Variants in BACH2 observed in about 807,000 individuals in gnomAD.
The protein encoded by BACH2 is BACH transcriptional regulator 2.
In BACH2, 5 loss-of-function variants were observed where a neutral mutation model predicts 61.8. The ratio of observed to expected loss-of-function variants is 0.08; its 90% confidence interval spans 0.04 to 0.17. The LOEUF (loss-of-function observed/expected upper bound fraction) is 0.17. BACH2 is among the 10% of genes least tolerant of loss of function. The pLI is 1.00. For synonymous variants in BACH2, 446 were observed against 440.1 expected (o/e 1.01, Z -0.17); for missense variants, 824 against 1,091.1 (o/e 0.76, Z 3.45).
chr6:90,080,045 A>T (rs58417532), intron 5 of BACH2, among the ~76,000 whole-genome samples: 6,758 of 152,028 alleles, frequency 0.044, 491 homozygotes, highest in African/African-American at 0.16. Context: ...CACGGGCACC[A>T]CCCTGCCGTG....
At chr6:90,190,667 T>G (rs2127844550) in intron 4 of BACH2, among the ~76,000 whole-genome samples, 1 of 152,366 alleles carries the variant, frequency 6.6e-6, no homozygotes, top group East Asian at 1.9e-4. Context: ...TCTGGCCCAC[T>G]GATTTCTTTG....
chr6:89,927,431 G>A lies in BACH2; in HGVS notation c.*4977C>T, dbSNP rs1040619866. On this transcript the variant is annotated 3_prime_UTR_variant, in exon 9 of 9. Transcript: ENST00000257749. ...CCCTTCACTCTTTCGCAACATATGCGTCTGATTATTCCCATGGGAGCACTT... is the reference window on the plus strand; with the variant it reads ...CCCTTCACTCTTTCGCAACATATGCATCTGATTATTCCCATGGGAGCACTT... The A allele has an allele frequency of 3.9e-5, 6 of 152,770 alleles. No homozygotes were observed. Among genetic ancestry groups the A allele is most frequent in the African/African-American group, 9.7e-5 (4 of 41,444 alleles). 9.5% of individuals were successfully genotyped at this position (152,770 alleles called of 1,614,324 possible).
At chr6:90,084,392 G>T (rs11963242) in intron 5 of BACH2, among the ~76,000 whole-genome samples, 2 of 151,838 alleles carry the variant, frequency 1.3e-5, no homozygotes, top group Non-Finnish European at 2.9e-5. Context: ...GAACTCATGG[G>T]GGGGGAATTT....
At chr6:90,077,859 A>AG (rs1397730140) in intron 5 of BACH2, among the ~76,000 whole-genome samples, 1 of 152,164 alleles carries the variant, frequency 6.6e-6, no homozygotes, top group Non-Finnish European at 1.5e-5. Flanking sequence ...AGGAGGTTAA[A>AG]GGGAGACTGA....
At chr6:90,280,121 A>T (rs985326828) in intron 1 of BACH2, among the ~76,000 whole-genome samples, 13 of 152,200 alleles carry the variant, frequency 8.5e-5, no homozygotes, top group Non-Finnish European at 1.3e-4. Flanking sequence ...ACTATGTATA[A>T]GAAGAAAAAA....
At chr6:90,100,945 G>A (rs1236420894) in intron 4 of BACH2, among the ~76,000 whole-genome samples, 1 of 152,128 alleles carries the variant, frequency 6.6e-6, no homozygotes, top group Admixed American at 6.5e-5. Flanking sequence ...AACCATCCTA[G>A]TGGGGGTAAA....
intron 6 of BACH2, among the ~76,000 whole-genome samples, chr6:89,991,374 G>A (rs1450876346): frequency 6.6e-6 from 1 of 152,092 alleles, no homozygotes; most frequent in African/African-American, 2.4e-5. Context: ...CTGGAATGTC[G>A]GGAGGAACTA....
intron 1 of BACH2, among the ~76,000 whole-genome samples, chr6:90,281,686 CTTCT>C (rs1439712162): frequency 5.3e-5 from 8 of 152,076 alleles, no homozygotes; most frequent in Non-Finnish European, 8.8e-5. Context: ...TTCTATCTTG[CTTCT>C]TTCTTTCCAT....
chr6:90,256,520 G>A lies in BACH2; in HGVS notation c.-352-3930C>T, dbSNP rs1026253873. Among the ~76,000 whole-genome samples, 4 of 152,170 alleles carry A rather than the reference G, an allele frequency of 2.6e-5. No individual in the cohort carries two copies. In the East Asian group the frequency reaches 7.7e-4, roughly 29 times the overall value. ...CCTGAAGGATTTCCAGGAGGAAAAT[G>A]TCACCTACCATTCATCAACACCCAT... On this transcript the variant is annotated intron_variant, in intron 2 of 8. Transcript: ENST00000257749.
intron 4 of BACH2, among the ~76,000 whole-genome samples, chr6:90,125,930 C>G (rs893097305): frequency 1.3e-5 from 2 of 152,238 alleles, no homozygotes; most frequent in Admixed American, 1.3e-4. Context: ...TGAGACAAAT[C>G]AGTCATCCTC....
intron 4 of BACH2, among the ~76,000 whole-genome samples, chr6:90,102,201 T>G (rs1269308478): frequency 6.6e-6 from 1 of 152,130 alleles, no homozygotes; most frequent in African/African-American, 2.4e-5. Context: ...TGGGTAATGA[T>G]CCTGCTTTTG....
intron 4 of BACH2, among the ~76,000 whole-genome samples, chr6:90,139,055 A>G (rs990083649): frequency 2.6e-5 from 4 of 152,160 alleles, no homozygotes; most frequent in African/African-American, 9.7e-5. Flanking sequence ...AAGAATAAAC[A>G]GGATATGCCT....
At chr6:90,255,813 T>C (rs949438109) in intron 2 of BACH2, among the ~76,000 whole-genome samples, 3 of 152,160 alleles carry the variant, frequency 2.0e-5, no homozygotes, top group Non-Finnish European at 4.4e-5. Flanking sequence ...CTGTAAGTCA[T>C]ACTATCTCCG....
intron 4 of BACH2, among the ~76,000 whole-genome samples, chr6:90,197,809 G>A (rs1435965999): frequency 3.3e-5 from 5 of 152,306 alleles, no homozygotes; most frequent in African/African-American, 9.6e-5. Context: ...GAGAAGCAAA[G>A]CCTGTTTTAA....
At chr6:90,246,354 A>G (rs1446276778) in intron 3 of BACH2, among the ~76,000 whole-genome samples, 2 of 152,202 alleles carry the variant, frequency 1.3e-5, no homozygotes, top group Admixed American at 6.5e-5. Flanking sequence ...TTCCACTTTT[A>G]TTCTTACTGT....
chr6:90,218,551 A>G (rs940667517), intron 3 of BACH2, among the ~76,000 whole-genome samples: 3 of 150,282 alleles, frequency 2.0e-5, no homozygotes, highest in African/African-American at 4.9e-5. Flanking sequence ...GTTTTTGTGT[A>G]AATGATCTCA....
intron 2 of BACH2, among the ~76,000 whole-genome samples, chr6:90,258,299 TA>T (rs1771049202): frequency 1.3e-5 from 2 of 152,202 alleles, no homozygotes; most frequent in Admixed American, 6.5e-5. Flanking sequence ...CCAGTTTTCT[TA>T]ACATCCTATC....
intron 6 of BACH2, among the ~76,000 whole-genome samples, chr6:89,955,999 C>T (rs12208074): frequency 0.27 from 41,380 of 152,018 alleles, 5,725 homozygotes; most frequent in East Asian, 0.36. Flanking sequence ...ATAGTTCCAA[C>T]TCACTGATGT....
chr6:90,170,205 T>C (rs2127836764), intron 4 of BACH2, among the ~76,000 whole-genome samples: 1 of 152,286 alleles, frequency 6.6e-6, no homozygotes, highest in African/African-American at 2.4e-5. Context: ...TTAATATAGG[T>C]CTTACTTTTA....
Sources: gnomAD v4.1 joint callset for allele counts (sites outside exome capture counted in the v4.1 genomes callset) on GRCh38, gnomAD v4.1.1 for gene constraint, MANE v1.5 for transcripts, NCBI Gene and HGNC (gene_info 2026-07-23, HGNC 2026-07-21) for gene names.